MAN1C1: variants seen among roughly 807,000 people sequenced by gnomAD.
The protein encoded by MAN1C1 is mannosyl-oligosaccharide 1,2-alpha-mannosidase IC.
In MAN1C1, 49 loss-of-function variants were observed where a neutral mutation model predicts 71.5. The observed-to-expected ratio is 0.69, with a 90% CI of 0.54 to 0.87. MAN1C1 has a LOEUF of 0.87. MAN1C1 is among the 40% of genes least tolerant of loss of function. The pLI is 0.00. For synonymous variants in MAN1C1, 352 were observed against 343.7 expected, an observed-to-expected ratio of 1.02 and a Z score of -0.27; for missense variants, 743 against 835.0, an observed-to-expected ratio of 0.89 and a Z score of 1.36.
In MAN1C1 at chr1:25,753,064, G is replaced by A. The variant is rs190767449; in HGVS notation, c.835-420G>A. 5.5e-4 allele frequency among the ~76,000 whole-genome samples: 84 copies of A among 152,236 alleles called. 1 individual carries two copies. The East Asian group carries it at 9.1e-3, about 16-fold the overall frequency. ...GGGCAGGCATTGACCTTTGGAGACC[G>A]GCCCGTCTCTGCCAGGTCTTCATCT... On this transcript the variant is annotated intron_variant, in intron 4 of 11. Transcript: ENST00000374332. The surrounding 1 kb of genome is among the most constrained non-coding windows in gnomAD (Gnocchi z 4.9).
At chr1:25,751,191 T>TCTTCCTTCCATTCGTCTTTC (rs1468768193) in intron 4 of MAN1C1, among the ~76,000 whole-genome samples, 2 of 151,450 alleles carry the variant, frequency 1.3e-5, no homozygotes, top group Non-Finnish European at 2.9e-5. Context: ...TTCTGTCTTA[T>TCTTCCTTCCATTCGTCTTTC]CTTCCTTCCA....
At chr1:25,680,184 T>C (rs1023207766) in intron 1 of MAN1C1, among the ~76,000 whole-genome samples, 1 of 151,978 alleles carries the variant, frequency 6.6e-6, no homozygotes, top group Non-Finnish European at 1.5e-5. Context: ...TGCCTCAGCC[T>C]CCTAAGTACC....
At chr1:25,686,622 C>T (rs1171376837) in intron 2 of MAN1C1, 86 bp downstream of exon 2, 7 of 1,158,292 alleles carry the variant, frequency 6.0e-6, no homozygotes, top group Non-Finnish European at 9.1e-6. Flanking sequence ...GGCTTTTCAC[C>T]TCCTGAGCTG....
Position 25,778,365 on chromosome 1 carries a change from C to T in MAN1C1, c.1477+41C>T. 3 of 1,554,342 alleles carry T rather than the reference C, an allele frequency of 1.9e-6. No individual in the cohort carries two copies. The highest frequency in any genetic ancestry group is 1.7e-6 in the Non-Finnish European group (2 of 1,143,864). ...GAAGGGGCAGCAGGAGAGACTGAGG[C>T]TAGACACCAGGAAGAACTGGAAAGA... On this transcript the variant is annotated intron_variant, in intron 9 of 11. Transcript: ENST00000374332. The surrounding 1 kb of genome is among the most constrained non-coding windows in gnomAD (Gnocchi z 5.5).
chr1:25,780,386 T>C (rs572119804), intron 9 of MAN1C1, among the ~76,000 whole-genome samples: 52 of 152,236 alleles, frequency 3.4e-4, no homozygotes, highest in African/African-American at 1.2e-3. Context: ...CAATCTTCCC[T>C]CCATCTCTAC....
At chr1:25,748,407 T>C (rs1254439214) in intron 3 of MAN1C1, among the ~76,000 whole-genome samples, 1 of 152,162 alleles carries the variant, frequency 6.6e-6, no homozygotes, top group Non-Finnish European at 1.5e-5. Flanking sequence ...GTGCAAAGCA[T>C]GCTGAGGGAA....
rs1167853333 is a variant in MAN1C1, at chr1:25,753,492, A to G, written c.843A>G (p.Arg281=). 6.2e-7 allele frequency: 1 copy of G among 1,613,498 alleles called. No individual in the cohort carries two copies. The highest frequency in any genetic ancestry group is 1.7e-5 in the Admixed American group (1 of 59,978). Residue 281 remains arginine, a synonymous_variant, in exon 5 of 12, where the codon CGA becomes CGG. Coordinates refer to ENST00000374332, the MANE Select transcript of MAN1C1 (RefSeq NM_020379.4). This position sits in a 1 kb window ranked among gnomAD's most constrained non-coding sequence, Gnocchi z 4.9. ...AFYLTGEEVF[R]IKAIRLGEKL... ...GATCCCCTCCTTTACAGGTGTTCCG[A>G]ATAAAGGCCATCAGGCTGGGAGAGA...
chr1:25,668,542 T>C (rs1443466437), intron 1 of MAN1C1, among the ~76,000 whole-genome samples: 2 of 135,566 alleles, frequency 1.5e-5, no homozygotes, highest in African/African-American at 6.6e-5. Context: ...ATCCAAGCCT[T>C]CTACTTTTCT....
chr1:25,733,151 A>G (rs1447491710), intron 2 of MAN1C1, among the ~76,000 whole-genome samples: 4 of 152,132 alleles, frequency 2.6e-5, no homozygotes, highest in Non-Finnish European at 5.9e-5. Context: ...GCTGGGGAGC[A>G]TCTCCAGCTG....
chr1:25,705,543 G>T (rs2744785), intron 2 of MAN1C1, among the ~76,000 whole-genome samples: 35,416 of 152,148 alleles, frequency 0.23, 6,879 homozygotes, highest in African/African-American at 0.53. Flanking sequence ...CTTAATTTGG[G>T]TCACTAATCT....
chr1:25,719,090 G>A (rs1236771775), intron 2 of MAN1C1, among the ~76,000 whole-genome samples: 1 of 132,368 alleles, frequency 7.6e-6, no homozygotes, highest in Non-Finnish European at 1.6e-5. Context: ...TATTATTATT[G>A]AGACGGAGTT....
Position 25,730,403 on chromosome 1 carries a change from T to C in MAN1C1, c.638-16265T>C, listed in dbSNP as rs2046892426. Among the ~76,000 whole-genome samples the C allele has an allele frequency of 8.6e-6, 1 of 116,568 alleles. No individual in the cohort carries two copies. Among genetic ancestry groups the C allele is most frequent in the South Asian group, 2.2e-4 (1 of 4,458 alleles). 76.5% of individuals were successfully genotyped at this position (116,568 alleles called of 152,430 possible). On this transcript the variant is annotated intron_variant, in intron 2 of 11. Transcript: ENST00000374332. This position sits in a 1 kb window ranked among gnomAD's most constrained non-coding sequence, Gnocchi z 4.3. ...TGAAAGCCACACTGCCAAAATCAGA[T>C]TTTTTTTTTTTTTTAGTTTTCTCAG...
chr1:25,618,483 C>T (rs930385229), intron 1 of MAN1C1, 146 bp downstream of exon 1: 25 of 730,168 alleles, frequency 3.4e-5, no homozygotes, highest in Admixed American at 2.3e-4. Flanking sequence ...TTGCACCTTC[C>T]CCTTTCCTCC....
At chr1:25,712,110 G>A (rs2046620588) in intron 2 of MAN1C1, among the ~76,000 whole-genome samples, 1 of 152,202 alleles carries the variant, frequency 6.6e-6, no homozygotes, top group Admixed American at 6.5e-5. Context: ...CTCAATGTTG[G>A]CATATAGTAG....
At chr1:25,652,649 C>T (rs183218212) in intron 1 of MAN1C1, among the ~76,000 whole-genome samples, 1 of 152,298 alleles carries the variant, frequency 6.6e-6, no homozygotes, top group East Asian at 1.9e-4. Flanking sequence ...AGCGTGGGTG[C>T]CCTCCCACCG....
intron 2 of MAN1C1, among the ~76,000 whole-genome samples, chr1:25,692,001 TG>T (rs1188549839): frequency 6.6e-6 from 1 of 152,218 alleles, no homozygotes; most frequent in African/African-American, 2.4e-5. Flanking sequence ...CACAGAGTCC[TG>T]GAATGTCACC....
At chr1:25,690,288 C>CT (rs33932251) in intron 2 of MAN1C1, among the ~76,000 whole-genome samples, 6,262 of 119,678 alleles carry the variant, frequency 0.052, 532 homozygotes, top group African/African-American at 0.13. Context: ...ATCTCTGCCT[C>CT]TTTTTTTTTT....
At chr1:25,662,193 G>A (rs180890967) in intron 1 of MAN1C1, among the ~76,000 whole-genome samples, 2 of 152,336 alleles carry the variant, frequency 1.3e-5, no homozygotes, top group South Asian at 2.1e-4. Context: ...AGGGACCCAT[G>A]TCTGTCCTGT....
intron 2 of MAN1C1, among the ~76,000 whole-genome samples, chr1:25,696,566 A>G (rs1172709819): frequency 6.6e-6 from 1 of 152,170 alleles, no homozygotes; most frequent in Admixed American, 6.5e-5. Flanking sequence ...AAGCATTTCC[A>G]TCACCCTAAA....
Sources: allele counts gnomAD v4.1 joint callset (sites outside exome capture counted in the v4.1 genomes callset), GRCh38; gene constraint gnomAD v4.1.1; non-coding constraint Gnocchi (gnomAD v3.1); transcripts MANE v1.5; gene names NCBI Gene and HGNC (gene_info 2026-07-23, HGNC 2026-07-21).